The following RBM33 variants were observed in gnomAD, a reference collection of about 807,000 sequenced individuals.
RBM33 encodes RNA binding motif protein 33, also known as RNA-binding protein 33.
A neutral mutation model predicts 132.6 loss-of-function variants in RBM33; 28 were observed. The ratio of observed to expected loss-of-function variants is 0.21; its 90% CI spans 0.16 to 0.29. RBM33 has a LOEUF of 0.29. RBM33 is among the 10% of genes least tolerant of loss of function. The pLI is 1.00. For missense variants in RBM33, 1,291 were observed against 1,518.5 expected, an observed-to-expected ratio of 0.85 and a Z score of 2.49; for synonymous variants, 634 against 593.0, an observed-to-expected ratio of 1.07 and a Z score of -1.01.
intron 8 of RBM33, among the ~76,000 whole-genome samples, chr7:155,711,757 T>C (rs562542955): frequency 1.2e-4 from 18 of 152,258 alleles, no homozygotes; most frequent in Admixed American, 1.2e-3. Context: ...GATGTTTCAT[T>C]GGTTGGGCAT....
At chr7:155,696,693 T>C (rs570211332) in intron 5 of RBM33, among the ~76,000 whole-genome samples, 2 of 152,328 alleles carry the variant, frequency 1.3e-5, no homozygotes, top group East Asian at 3.9e-4. Flanking sequence ...TTAAATTAAC[T>C]TAAAAAAATG....
chr7:155,758,125 A>G (rs1174065891), intron 14 of RBM33, among the ~76,000 whole-genome samples: 3 of 152,208 alleles, frequency 2.0e-5, no homozygotes, highest in African/African-American at 7.2e-5. Flanking sequence ...TACGGACCCT[A>G]GTACCTTTCT....
intron 1 of RBM33, among the ~76,000 whole-genome samples, chr7:155,655,733 G>A (rs1474038604): frequency 1.3e-5 from 2 of 151,786 alleles, no homozygotes; most frequent in Non-Finnish European, 2.9e-5. Flanking sequence ...CTTCTGTTTC[G>A]TACTGAAGTA....
At position 155,775,984 on chromosome 7, in the gene RBM33, C is replaced by G. The variant is rs1474465595; in HGVS notation, c.*943C>G. 6.6e-6 allele frequency: 1 copy of G among 152,260 alleles called. No individual in the cohort carries two copies. The highest frequency in any genetic ancestry group is 1.5e-5 in the Non-Finnish European group (1 of 68,046). 9.4% of individuals were successfully genotyped at this position (152,260 alleles called of 1,614,324 possible). On this transcript the variant is annotated 3_prime_UTR_variant, in exon 18 of 18. Coordinates refer to ENST00000401878, the MANE Select transcript of RBM33 (RefSeq NM_053043.3). Reference sequence around the variant, plus strand: ...TCTGTTTTTCTGAAGGCTGTTCCAGCAGGGCTGCCCTGTTCATCAGCGGAT... The same window carrying G: ...TCTGTTTTTCTGAAGGCTGTTCCAGGAGGGCTGCCCTGTTCATCAGCGGAT...
chr7:155,750,972 A>G (rs1053435234), intron 14 of RBM33, among the ~76,000 whole-genome samples: 7 of 152,146 alleles, frequency 4.6e-5, no homozygotes, highest in African/African-American at 1.7e-4. Flanking sequence ...AAGGCTGTCA[A>G]AATGCTGCAT....
At chr7:155,652,650 C>T (rs1349263022) in intron 1 of RBM33, among the ~76,000 whole-genome samples, 3 of 152,100 alleles carry the variant, frequency 2.0e-5, no homozygotes, top group Non-Finnish European at 4.4e-5. Flanking sequence ...AAAATTGATC[C>T]CCCTATTAAA....
At chr7:155,662,845 C>G (rs1798691457) in intron 1 of RBM33, among the ~76,000 whole-genome samples, 1 of 152,134 alleles carries the variant, frequency 6.6e-6, no homozygotes, top group Non-Finnish European at 1.5e-5. Flanking sequence ...AGGTCCTTGT[C>G]CTCCAGCTGG....
At chr7:155,708,851 C>G (rs1023554177) in intron 7 of RBM33, among the ~76,000 whole-genome samples, 2 of 152,150 alleles carry the variant, frequency 1.3e-5, no homozygotes, top group Non-Finnish European at 2.9e-5. Context: ...GCTATTTTGT[C>G]TCTTTGAGTC....
intron 16 of RBM33, among the ~76,000 whole-genome samples, chr7:155,768,202 G>A (rs1028534613): frequency 1.3e-5 from 2 of 152,270 alleles, no homozygotes; most frequent in South Asian, 2.1e-4. Flanking sequence ...GAGTGTGATC[G>A]AGTTGTCAAG....
rs1358008674 is a variant in RBM33 at position 155,737,546 on chromosome 7, C to T, written c.1277C>T (p.Pro426Leu). 1 of 1,608,448 alleles carries T rather than the reference C, an allele frequency of 6.2e-7. No individual in the cohort carries two copies. The highest frequency in any genetic ancestry group is 8.5e-7 in the Non-Finnish European group (1 of 1,178,082). The change falls in exon 10 of 18, where the codon CCA becomes CTA. Residue 426 changes from proline to leucine, a missense_variant. Physicochemically the swap from Pro to Leu is moderately conservative, Grantham distance 98 (BLOSUM62 -3). Transcript: ENST00000401878. The part of the protein sequence containing the change: ...PQRFPGPPEF[P>L]QHTPGPVPNS... ...GTTCTTTAGGGCCCTCCAGAATTTC[C>T]ACAGCATACACCTGGACCTGTTCCC...
chr7:155,669,731 C>G (rs1798895531), intron 2 of RBM33, among the ~76,000 whole-genome samples: 1 of 152,192 alleles, frequency 6.6e-6, no homozygotes, highest in South Asian at 2.1e-4. Context: ...TCATTCCCAT[C>G]CAGGGAGTAC....
chr7:155,678,588 A>T lies in RBM33; in HGVS notation c.172-20A>T. 1 of 1,410,416 alleles carries T rather than the reference A, an allele frequency of 7.1e-7. No individual in the cohort carries two copies. Among genetic ancestry groups the T allele is most frequent in the Non-Finnish European group, 9.8e-7 (1 of 1,021,428 alleles). The allele number at this position is 1,410,416 out of a possible 1,614,324, so 87.4% of individuals were successfully genotyped here. ...TTTATGGAAGTGACACACATTAATT[A>T]TATTTCTTATTTTAATTAGAATCAG... On this transcript the variant is annotated intron_variant, in intron 3 of 17. Coordinates refer to ENST00000401878, the MANE Select transcript of RBM33 (RefSeq NM_053043.3).
chr7:155,715,370 AC>A (rs1800431622), intron 8 of RBM33, among the ~76,000 whole-genome samples: 1 of 152,182 alleles, frequency 6.6e-6, no homozygotes, highest in Non-Finnish European at 1.5e-5. Context: ...AGCTGGTAAT[AC>A]GTACAGATTT....
chr7:155,682,672 C>T (rs1233640099), intron 5 of RBM33, among the ~76,000 whole-genome samples: 1 of 152,156 alleles, frequency 6.6e-6, no homozygotes, highest in Non-Finnish European at 1.5e-5. Context: ...GAACATTGGC[C>T]CTGCCTGTGA....
At position 155,725,337 on chromosome 7, in the gene RBM33, T is replaced by G. The variant is rs555194254; in HGVS notation, c.1260+6894T>G. ...GTGTGTTCAGCCTGTGGAGCAAAAG[T>G]AAAAAATTATTATTTTTTGTTTTAG... On this transcript the variant is annotated intron_variant, in intron 9 of 17. Coordinates refer to ENST00000401878, the MANE Select transcript of RBM33 (RefSeq NM_053043.3). Among the ~76,000 whole-genome samples the G allele has an allele frequency of 6.3e-4, 96 of 151,886 alleles. No homozygotes were observed. In the South Asian group the frequency reaches 0.02, roughly 31 times the overall value.
chr7:155,658,585 G>A (rs1471755831), intron 1 of RBM33, among the ~76,000 whole-genome samples: 1 of 152,036 alleles, frequency 6.6e-6, no homozygotes, highest in Non-Finnish European at 1.5e-5. Flanking sequence ...ATTTTTAGTA[G>A]AGACGGGGTT....
intron 16 of RBM33, 46 bp downstream of exon 16, chr7:155,766,701 A>C (rs1346828863): frequency 6.4e-7 from 1 of 1,552,552 alleles, no homozygotes; most frequent in South Asian, 1.2e-5. Flanking sequence ...GTTGTGTCCC[A>C]AGACAAAATC....
At chr7:155,736,323 A>C (rs1454439366) in intron 9 of RBM33, among the ~76,000 whole-genome samples, 1 of 152,242 alleles carries the variant, frequency 6.6e-6, no homozygotes, top group Non-Finnish European at 1.5e-5. Flanking sequence ...ATGATACTTA[A>C]AAGTTGTGAA....
At chr7:155,738,985 G>A (rs1275653812) in intron 11 of RBM33, 2 of 153,468 alleles carry the variant, frequency 1.3e-5, no homozygotes, top group Admixed American at 1.3e-4. Flanking sequence ...TTCTTGTATT[G>A]TAGGGTTACT....
Sources: gnomAD v4.1 joint callset for allele counts (sites outside exome capture counted in the v4.1 genomes callset) on GRCh38, gnomAD v4.1.1 for gene constraint, MANE v1.5 for transcripts, NCBI Gene and HGNC (gene_info 2026-07-23, HGNC 2026-07-21) for gene names.